Variants in SLC12A5 observed in about 807,000 individuals in gnomAD.
The protein encoded by SLC12A5 is solute carrier family 12 member 5.
Under a neutral mutation model 124.0 loss-of-function variants are expected in SLC12A5, and 18 were observed. That is an observed-to-expected ratio of 0.15 (90% CI 0.10 to 0.22). The LOEUF is 0.22. SLC12A5 is among the 10% of genes least tolerant of loss of function. The pLI is 1.00. For synonymous variants in SLC12A5, 589 were observed against 568.0 expected, an observed-to-expected ratio of 1.04 and a Z score of -0.53; for missense variants, 867 against 1,478.7, an observed-to-expected ratio of 0.59 and a Z score of 6.78.
intron 13 of SLC12A5, 23 bp downstream of exon 13, chr20:46,046,019 T>C: frequency 1.9e-6 from 3 of 1,596,928 alleles, no homozygotes; most frequent in Non-Finnish European, 2.6e-6. Context: ...CTTCTTGCCC[T>C]CCCCCCTGGT....
chr20:46,055,046 C>T (rs1260349175), intron 21 of SLC12A5, 23 bp downstream of exon 21: 3 of 1,582,434 alleles, frequency 1.9e-6, no homozygotes, highest in Non-Finnish European at 2.6e-6. Flanking sequence ...TGGCTGGCCC[C>T]TGAGAGCCTC....
upstream of SLC12A5, among the ~76,000 whole-genome samples, chr20:46,026,554 G>A (rs2145469811): frequency 6.6e-6 from 1 of 152,360 alleles, no homozygotes; most frequent in South Asian, 2.1e-4. Context: ...TGGAGGGGCT[G>A]GGGTCCCCCC....
At chr20:46,023,082 C>T (rs2084369902) in intron 2 of SLC12A5, 2 of 400,052 alleles carry the variant, frequency 5.0e-6, no homozygotes, top group Non-Finnish European at 8.8e-6. Flanking sequence ...GTGAGCTCGC[C>T]CCGAAGCAAA....
At position 46,056,797 on chromosome 20, in the gene SLC12A5, A is replaced by G. The variant is rs2084700097; in HGVS notation, c.3111-100A>G. ...AGGGTGTGGGGGCTGGCAGAGCAGG[A>G]CTCAGGGCAGATGACCATGGCCCAA... On this transcript the variant is annotated intron_variant, in intron 23 of 25. Coordinates refer to ENST00000243964, the MANE Select transcript of SLC12A5 (RefSeq NM_020708.5). The surrounding 1 kb of genome is among the most constrained non-coding windows in gnomAD (Gnocchi z 4.3). 1.5e-6 allele frequency: 2 copies of G among 1,336,066 alleles called. No individual in the cohort carries two copies. The highest frequency in any genetic ancestry group is 1.2e-5 in the South Asian group (1 of 85,500). The allele number at this position is 1,336,066 out of a possible 1,614,324, so 82.8% of individuals were successfully genotyped here. A position where few individuals can be genotyped will look rare whatever the true frequency, so the allele number is the denominator to read the frequency against.
rs534902491 is a variant in SLC12A5, at chr20:46,022,506, C to T, written c.49-424C>T. On this transcript the variant is annotated intron_variant, in intron 1 of 2. Coordinates refer to the SLC12A5 transcript ENST00000413737. ...GGGTCCTCGGTGCCTGGCGGATCCT[C>T]CAATCCTCTAGCTCCCTGGAGGCTT... is the stretch of plus-strand genomic sequence containing the variant. Among the ~76,000 whole-genome samples the T allele has an allele frequency of 7.2e-5, 11 of 152,120 alleles. No individual in the cohort carries two copies. In the East Asian group the frequency reaches 2.1e-3, roughly 30 times the overall value.
At chr20:46,054,560 C>T (rs897367929) in intron 20 of SLC12A5, among the ~76,000 whole-genome samples, 4 of 152,200 alleles carry the variant, frequency 2.6e-5, no homozygotes, top group Admixed American at 2.6e-4. Flanking sequence ...ACTCACTCTC[C>T]CATTCATTCT....
At chr20:46,036,565 G>A (rs2084500452) in intron 4 of SLC12A5, 176 bp from the exon 5 acceptor site, 3 of 577,720 alleles carry the variant, frequency 5.2e-6, no homozygotes, top group Non-Finnish European at 9.2e-6. Flanking sequence ...GGTGAATAAG[G>A]TTTTCTTGAG....
chr20:46,028,752 G>C (rs976988868), upstream of SLC12A5, among the ~76,000 whole-genome samples: 5 of 152,120 alleles, frequency 3.3e-5, no homozygotes, highest in Non-Finnish European at 7.4e-5. Flanking sequence ...ATGTTCCATG[G>C]CGCACCTCCA....
intron 7 of SLC12A5, 27 bp downstream of exon 7, chr20:46,040,641 G>A (rs2084537238): frequency 6.2e-7 from 1 of 1,609,920 alleles, no homozygotes; most frequent in Non-Finnish European, 8.5e-7. Context: ...TGAGCCCAAG[G>A]AATCGTCCTC....
intron 4 of SLC12A5, chr20:46,036,237 A>G (rs1235459333): frequency 4.0e-5 from 12 of 302,442 alleles, no homozygotes; most frequent in Non-Finnish European, 6.8e-5. Flanking sequence ...ACATTTTGGC[A>G]GGTCCAGACT....
chr20:46,036,886 A>G (rs1419649265), intron 5 of SLC12A5, 91 bp downstream of exon 5: 1 of 1,500,148 alleles, frequency 6.7e-7, no homozygotes, highest in Non-Finnish European at 9.2e-7. Context: ...GGCCCAAGAG[A>G]GATAATATTC....
intron 1 of SLC12A5, among the ~76,000 whole-genome samples, chr20:46,030,436 TG>T (rs953427843): frequency 1.6e-4 from 25 of 152,072 alleles, no homozygotes; most frequent in African/African-American, 4.3e-4. Flanking sequence ...TCCGAGGTCT[TG>T]GGGCCAGCCA....
chr20:46,040,779 C>A, intron 7 of SLC12A5, 165 bp downstream of exon 7: 1 of 1,122,548 alleles, frequency 8.9e-7, no homozygotes, highest in Non-Finnish European at 1.2e-6. Context: ...TGGGGGCAAT[C>A]TCTTCAGAGT....
At chr20:46,025,668 T>G (rs1201077427), upstream of SLC12A5, among the ~76,000 whole-genome samples, 1 of 152,166 alleles carries the variant, frequency 6.6e-6, no homozygotes, top group Non-Finnish European at 1.5e-5. Context: ...GGCTGCAGCC[T>G]GTTAATTAAA....
chr20:46,042,105 C>T (rs2084553383), intron 8 of SLC12A5, among the ~76,000 whole-genome samples: 1 of 152,142 alleles, frequency 6.6e-6, no homozygotes, highest in South Asian at 2.1e-4. Flanking sequence ...TCTTTCCAAT[C>T]ACAAGTAATT....
chr20:46,043,974 G>T (rs2084571700), intron 11 of SLC12A5, 41 bp downstream of exon 11: 4 of 1,546,656 alleles, frequency 2.6e-6, no homozygotes, highest in African/African-American at 1.4e-5. Flanking sequence ...GGGAGGGGTG[G>T]GTATAGAAGG....
Position 46,059,881 on chromosome 20 carries a change from T to C in SLC12A5, c.*2276T>C, listed in dbSNP as rs1282662073. On this transcript the variant is annotated 3_prime_UTR_variant, in exon 26 of 26. Coordinates refer to ENST00000243964, the MANE Select transcript of SLC12A5 (RefSeq NM_020708.5). ...CAATGAAGTTGAAAACCCTTGTAAA[T>C]AGGAGAGGTTGCAAACCAAATCAAG... 1.1e-5 allele frequency: 4 copies of C among 374,454 alleles called. No individual in the cohort carries two copies. The highest frequency in any genetic ancestry group is 4.6e-5 in the Admixed American group (1 of 21,906). 23.2% of individuals were successfully genotyped at this position (374,454 alleles called of 1,614,324 possible).
At position 46,056,118 on chromosome 20, in the gene SLC12A5, C is replaced by G. The variant is rs768793962; in HGVS notation, c.2788-32C>G. 2.5e-6 allele frequency: 4 copies of G among 1,612,478 alleles called. No homozygotes were observed. In the South Asian group the frequency reaches 4.4e-5, roughly 18 times the overall value. ...GCAGGGCATGGGTGGTGACTCCCAG[C>G]AGAGCTGGCACCAACCTATGTCACT... is the stretch of plus-strand genomic sequence containing the variant. On this transcript the variant is annotated intron_variant, in intron 21 of 25. Coordinates refer to ENST00000243964, the MANE Select transcript of SLC12A5 (RefSeq NM_020708.5). This position sits in a 1 kb window ranked among gnomAD's most constrained non-coding sequence, Gnocchi z 4.3.
In SLC12A5 at chr20:46,043,412, A is replaced by G. The variant is rs2084565594; in HGVS notation, c.1237+89A>G. The G allele has an allele frequency of 5.3e-6, 8 of 1,497,008 alleles. No individual in the cohort carries two copies. In the East Asian group the frequency reaches 1.8e-4, roughly 34 times the overall value. 92.7% of individuals were successfully genotyped at this position (1,497,008 alleles called of 1,614,324 possible). On this transcript the variant is annotated intron_variant, in intron 9 of 25. Transcript: ENST00000243964. ...ATGATGTTGGGAATTTCTTAGTCCAAAAACCCCATCATGAAAGCAACCGTA... is the reference window on the plus strand; with the variant it reads ...ATGATGTTGGGAATTTCTTAGTCCAGAAACCCCATCATGAAAGCAACCGTA...
Sources: allele counts gnomAD v4.1 joint callset (sites outside exome capture counted in the v4.1 genomes callset), GRCh38; gene constraint gnomAD v4.1.1; non-coding constraint Gnocchi (gnomAD v3.1); transcripts MANE v1.5; gene names NCBI Gene and HGNC (gene_info 2026-07-23, HGNC 2026-07-21).